SLC24A3: variants seen among roughly 807,000 people sequenced by gnomAD.
SLC24A3 encodes the protein sodium/potassium/calcium exchanger 3.
Under a neutral mutation model 75.8 loss-of-function variants are expected in SLC24A3, and 28 were observed. The ratio of observed to expected loss-of-function variants is 0.37; its 90% CI spans 0.27 to 0.51. SLC24A3 has a LOEUF of 0.51. Ranked by LOEUF, SLC24A3 falls within the 20% of genes least tolerant of loss-of-function variation. SLC24A3 has a pLI of 0.94. For missense variants in SLC24A3, 663 were observed against 847.8 expected (o/e 0.78, Z 2.71); for synonymous variants, 372 against 334.1 (o/e 1.11, Z -1.24).
intron 3 of SLC24A3, among the ~76,000 whole-genome samples, chr20:19,539,297 A>C (rs761122971): frequency 6.6e-6 from 1 of 152,204 alleles, no homozygotes; most frequent in African/African-American, 2.4e-5. Context: ...ACTGGAGCAC[A>C]GTCTTCCTCC....
At position 19,384,606 on chromosome 20, in the gene SLC24A3, A is replaced by G. The variant is rs551824289; in HGVS notation, c.271+103519A>G. On this transcript the variant is annotated intron_variant, in intron 2 of 16. Transcript: ENST00000328041. ...TAGATGGACACTTAGGTTGATTCAG[A>G]ATCTTGGCTATTGTGAATACTGCTG... Among the ~76,000 whole-genome samples, 21 of 152,324 alleles carry G rather than the reference A, an allele frequency of 1.4e-4. 1 individual carries two copies. Among genetic ancestry groups the G allele is most frequent in the African/African-American group, 4.8e-4 (20 of 41,578 alleles).
At chr20:19,638,760 C>CA (rs2032030514) in intron 6 of SLC24A3, among the ~76,000 whole-genome samples, 2 of 152,142 alleles carry the variant, frequency 1.3e-5, no homozygotes, top group African/African-American at 4.8e-5. Flanking sequence ...TGGGTTCTTG[C>CA]TCTCAATGAC....
intron 3 of SLC24A3, among the ~76,000 whole-genome samples, chr20:19,526,314 C>T (rs3790238): frequency 0.22 from 34,033 of 152,138 alleles, 3,995 homozygotes; most frequent in Middle Eastern, 0.29. Flanking sequence ...GGCTATGCCA[C>T]GTACTGCCTA....
At chr20:19,339,784 A>G (rs1472162541) in intron 2 of SLC24A3, among the ~76,000 whole-genome samples, 2 of 152,248 alleles carry the variant, frequency 1.3e-5, no homozygotes, top group Non-Finnish European at 2.9e-5. Flanking sequence ...AGCCAGTAAC[A>G]TTTTACTAAG....
intron 2 of SLC24A3, among the ~76,000 whole-genome samples, chr20:19,294,761 C>G (rs977603794): frequency 6.6e-6 from 1 of 152,106 alleles, no homozygotes; most frequent in African/African-American, 2.4e-5. Context: ...ATGCATGTGT[C>G]TTTATTGTAG....
chr20:19,704,675 A>C (rs2032908887), intron 15 of SLC24A3, among the ~76,000 whole-genome samples: 1 of 152,166 alleles, frequency 6.6e-6, no homozygotes, highest in Admixed American at 6.5e-5. Flanking sequence ...TTCTGTGTGG[A>C]GTCATGAGTG....
At chr20:19,625,024 C>A (rs1381507012) in intron 6 of SLC24A3, among the ~76,000 whole-genome samples, 2 of 152,178 alleles carry the variant, frequency 1.3e-5, no homozygotes, top group Non-Finnish European at 2.9e-5. Context: ...GAAGGCTGCA[C>A]CTCACATTCT....
chr20:19,229,159 A>T (rs1981947550), intron 1 of SLC24A3, among the ~76,000 whole-genome samples: 2 of 143,814 alleles, frequency 1.4e-5, no homozygotes, highest in African/African-American at 5.0e-5. Flanking sequence ...AAAATTATGA[A>T]GTACTTTTTT....
intron 3 of SLC24A3, among the ~76,000 whole-genome samples, chr20:19,531,005 A>G (rs2030288120): frequency 6.6e-6 from 1 of 152,168 alleles, no homozygotes; most frequent in Admixed American, 6.5e-5. Flanking sequence ...CAAAATAATA[A>G]TATTAAAGGT....
chr20:19,568,485 T>C (rs536713037), intron 3 of SLC24A3, among the ~76,000 whole-genome samples: 11 of 152,338 alleles, frequency 7.2e-5, no homozygotes, highest in African/African-American at 2.4e-4. Flanking sequence ...GAATATATTA[T>C]GCTAAGTGAA....
In SLC24A3 at chr20:19,685,161, T is replaced by G; in HGVS notation, c.1124T>G (p.Ile375Ser). The G allele has an allele frequency of 6.2e-7, 1 of 1,613,738 alleles. No homozygotes were observed. Among genetic ancestry groups the G allele is most frequent in the Non-Finnish European group, 8.5e-7 (1 of 1,179,790 alleles). ...TNGESEVAIK[I>S]PIKHTVENGT... ...GGGGAATCTGAGGTGGCCATCAAAA[T>G]CCCAATTAAGCACACCGTGGAGAAT... The change falls in exon 12 of 17, where the codon ATC becomes AGC. Residue 375 changes from isoleucine (I) to serine (S), a missense_variant. Physicochemically the swap from Ile to Ser is moderately radical, Grantham distance 142. Coordinates refer to ENST00000328041, the MANE Select transcript of SLC24A3 (RefSeq NM_020689.4).
At chr20:19,697,921 C>T (rs1201078903) in intron 14 of SLC24A3, among the ~76,000 whole-genome samples, 2 of 152,150 alleles carry the variant, frequency 1.3e-5, no homozygotes, top group Admixed American at 1.3e-4. Flanking sequence ...TCTCACATTG[C>T]TGTAAAGAAA....
intron 3 of SLC24A3, among the ~76,000 whole-genome samples, chr20:19,557,013 G>A (rs1037150068): frequency 4.6e-5 from 7 of 152,086 alleles, no homozygotes; most frequent in Non-Finnish European, 4.4e-5. Context: ...AAGGTTCTCT[G>A]GGCTTGTCCA....
At chr20:19,246,757 CCTCT>C (rs1388561997) in intron 1 of SLC24A3, among the ~76,000 whole-genome samples, 1 of 152,010 alleles carries the variant, frequency 6.6e-6, no homozygotes, top group Non-Finnish European at 1.5e-5. Flanking sequence ...TCTCTCTCTC[CCTCT>C]ATCTCTGTCT....
At chr20:19,295,647 G>T (rs1364020040) in intron 2 of SLC24A3, among the ~76,000 whole-genome samples, 1 of 152,198 alleles carries the variant, frequency 6.6e-6, no homozygotes, top group Non-Finnish European at 1.5e-5. Flanking sequence ...TTTATGTGAT[G>T]AATTACATTT....
intron 3 of SLC24A3, among the ~76,000 whole-genome samples, chr20:19,566,618 C>G (rs2122616681): frequency 6.6e-6 from 1 of 152,286 alleles, no homozygotes; most frequent in African/African-American, 2.4e-5. Flanking sequence ...AGGAAGGAAA[C>G]TCATATAGAT....
intron 1 of SLC24A3, among the ~76,000 whole-genome samples, chr20:19,280,564 T>C (rs933586229): frequency 1.3e-5 from 2 of 152,186 alleles, no homozygotes; most frequent in East Asian, 1.9e-4. Context: ...AATGGGAATA[T>C]TGACACCACA....
Position 19,247,663 on chromosome 20 carries a change from A to G in SLC24A3, c.143-33296A>G, listed in dbSNP as rs73277090. ...TATAAATGCTCATCAGATTTTGAAG[A>G]CTTCGTACAAAAGAATGTGACTATT... is the stretch of plus-strand genomic sequence containing the variant. On this transcript the variant is annotated intron_variant, in intron 1 of 16. Transcript: ENST00000328041. 9.3e-3 allele frequency among the ~76,000 whole-genome samples: 1,418 copies of G among 152,332 alleles called. 21 individuals carry two copies. Among genetic ancestry groups the G allele is most frequent in the African/African-American group, 0.032 (1,333 of 41,574 alleles).
intron 3 of SLC24A3, 63 bp downstream of exon 3, chr20:19,515,627 T>G: frequency 6.5e-7 from 1 of 1,550,290 alleles, no homozygotes; most frequent in Non-Finnish European, 8.9e-7. Flanking sequence ...GTGTGGGGTG[T>G]GGCACCTGAG....
Sources: gnomAD v4.1 joint callset for allele counts (sites outside exome capture counted in the v4.1 genomes callset) on GRCh38, gnomAD v4.1.1 for gene constraint, MANE v1.5 for transcripts, NCBI Gene and HGNC (gene_info 2026-07-23, HGNC 2026-07-21) for gene names.